The following GALNT17 variants were observed in gnomAD, a reference collection of about 807,000 sequenced individuals.
GALNT17 encodes UDP-GalNAc:polypeptide N-acetylgalactosaminyltransferase-like 3.
Under a neutral mutation model 63.7 loss-of-function variants are expected in GALNT17, and 29 were observed. The observed-to-expected ratio is 0.46, with a 90% CI of 0.34 to 0.62. The LOEUF is 0.62. GALNT17 is among the 20% of genes least tolerant of loss of function. The probability of loss-of-function intolerance (pLI) is 0.01; values close to 1 mark genes in which losing one functional copy is unlikely to be tolerated. For missense variants in GALNT17, 603 were observed against 799.6 expected (o/e 0.75, Z 2.97); for synonymous variants, 305 against 318.3 (o/e 0.96, Z 0.45).
At chr7:71,669,851 G>A (rs1178608951) in intron 7 of GALNT17, 121 bp from the exon 8 acceptor site, 44 of 1,299,090 alleles carry the variant, frequency 3.4e-5, no homozygotes, top group Middle Eastern at 2.0e-4. Flanking sequence ...ATGAGCCACC[G>A]TGCCCAGCCC....
intron 6 of GALNT17, among the ~76,000 whole-genome samples, chr7:71,592,600 AAAAT>A (rs1789826355): frequency 6.6e-6 from 1 of 151,394 alleles, no homozygotes; most frequent in Admixed American, 6.6e-5. Context: ...AAAATAAAAT[AAAAT>A]AAATAAAGCA....
intron 1 of GALNT17, among the ~76,000 whole-genome samples, chr7:71,144,092 T>G (rs2116182160): frequency 6.6e-6 from 1 of 152,268 alleles, no homozygotes; most frequent in Non-Finnish European, 1.5e-5. Context: ...CTGGTACAGC[T>G]TTGGGGATCT....
At chr7:71,276,972 T>A (rs1183459370) in intron 1 of GALNT17, among the ~76,000 whole-genome samples, 1 of 152,170 alleles carries the variant, frequency 6.6e-6, no homozygotes, top group East Asian at 1.9e-4. Context: ...CACCCCAGCC[T>A]GGGTGACAGA....
chr7:71,495,967 G>A (rs545678633), intron 5 of GALNT17, among the ~76,000 whole-genome samples: 36 of 152,296 alleles, frequency 2.4e-4, no homozygotes, highest in Non-Finnish European at 4.1e-4. Context: ...GCCAAGGTTC[G>A]TGATGTCCGC....
chr7:71,220,717 G>T (rs1186018032), intron 1 of GALNT17, among the ~76,000 whole-genome samples: 1 of 152,060 alleles, frequency 6.6e-6, no homozygotes, highest in Admixed American at 6.6e-5. Flanking sequence ...AAGAAAAGGA[G>T]ATTAGGACAC....
chr7:71,387,950 C>T (rs1792976899), intron 2 of GALNT17, among the ~76,000 whole-genome samples: 1 of 152,178 alleles, frequency 6.6e-6, no homozygotes. Flanking sequence ...CCACTAAGTG[C>T]TCCATATTAT....
intron 6 of GALNT17, among the ~76,000 whole-genome samples, chr7:71,616,286 T>TC (rs200447078): frequency 0.014 from 2,140 of 151,694 alleles, 24 homozygotes; most frequent in Non-Finnish European, 0.024. Context: ...CCAGATTCTT[T>TC]CCCCCCCGTC....
intron 3 of GALNT17, among the ~76,000 whole-genome samples, chr7:71,402,197 G>A (rs566536503): frequency 7.9e-5 from 12 of 152,344 alleles, no homozygotes; most frequent in African/African-American, 2.9e-4. Context: ...AAAGGGTACT[G>A]TTGAGTGTGC....
rs199901403 is a variant in GALNT17 at position 71,617,616 on chromosome 7, TTTTGTTTGTTTG to T, written c.1080+46246_1080+46257del. Among the ~76,000 whole-genome samples, 205 of 146,598 alleles carry T rather than the reference TTTTGTTTGTTTG, an allele frequency of 1.4e-3. 1 individual carries two copies. Among genetic ancestry groups the T allele is most frequent in the Middle Eastern group, 6.8e-3 (2 of 292 alleles). On this transcript the variant is annotated intron_variant, in intron 6 of 10. Transcript: ENST00000333538. ...TTTACAGGCATGAGCAACTGGCTGC[TTTTGTTTGTTTG>T]TTTGTTTGTTTGTTTGTTTGTTTGT...
Position 71,659,551 on chromosome 7 carries a change from GCT to G in GALNT17, c.1081-5858_1081-5857del, listed in dbSNP as rs1269631489. ...CCTCAGCTTCCTTACAGCCTGACGG[GCT>G]CAGAATTCCAAGAGGAAGAAAGTGC... On this transcript the variant is annotated intron_variant, in intron 6 of 10. Transcript: ENST00000333538. Among the ~76,000 whole-genome samples the G allele has an allele frequency of 8.5e-5, 13 of 152,276 alleles. No homozygotes were observed. The East Asian group carries it at 2.5e-3, about 29-fold the overall frequency.
chr7:71,439,421 A>T (rs553973683), intron 5 of GALNT17, among the ~76,000 whole-genome samples: 2 of 152,282 alleles, frequency 1.3e-5, no homozygotes, highest in Admixed American at 6.5e-5. Context: ...TGACACGCTG[A>T]TATTGCTGCT....
intron 6 of GALNT17, among the ~76,000 whole-genome samples, chr7:71,578,140 G>A (rs1448207952): frequency 1.3e-5 from 2 of 151,876 alleles, no homozygotes; most frequent in East Asian, 2.0e-4. Flanking sequence ...GGGTTCCAGC[G>A]ATTCTCCTGC....
chr7:71,185,593 C>T lies in GALNT17; in HGVS notation c.238+52553C>T, dbSNP rs547555697. On this transcript the variant is annotated intron_variant, in intron 1 of 10. Coordinates refer to ENST00000333538, the MANE Select transcript of GALNT17 (RefSeq NM_022479.3). ...GCTGGAGTTGGCTCACTGCAAGCTC[C>T]GCCTCCTGGGTTCACGCCATTCTCC... Among the ~76,000 whole-genome samples, 4 of 150,182 alleles carry T rather than the reference C, an allele frequency of 2.7e-5. No individual in the cohort carries two copies. In the East Asian group the frequency reaches 5.9e-4, roughly 22 times the overall value.
chr7:71,222,264 C>A (rs1247188059), intron 1 of GALNT17, among the ~76,000 whole-genome samples: 1 of 152,002 alleles, frequency 6.6e-6, no homozygotes, highest in Non-Finnish European at 1.5e-5. Flanking sequence ...TTCCCAAATC[C>A]AATCCAGGGT....
chr7:71,689,755 T>C (rs1033033944), intron 9 of GALNT17, among the ~76,000 whole-genome samples: 2 of 152,222 alleles, frequency 1.3e-5, no homozygotes, highest in African/African-American at 4.8e-5. Flanking sequence ...AACAGCCTTC[T>C]ATTAGAAGAA....
chr7:71,400,764 G>T (rs1793224791), intron 3 of GALNT17, among the ~76,000 whole-genome samples: 1 of 152,146 alleles, frequency 6.6e-6, no homozygotes, highest in Admixed American at 6.5e-5. Context: ...TTAATATTTG[G>T]AAACACTGAA....
intron 2 of GALNT17, among the ~76,000 whole-genome samples, chr7:71,383,137 T>A (rs903458877): frequency 4.5e-4 from 68 of 152,180 alleles, no homozygotes; most frequent in African/African-American, 1.6e-3. Context: ...CACCTAGTAA[T>A]CCTCAAAGTT....
intron 1 of GALNT17, among the ~76,000 whole-genome samples, chr7:71,285,189 C>G (rs1416998307): frequency 1.3e-5 from 2 of 152,168 alleles, no homozygotes; most frequent in Non-Finnish European, 2.9e-5. Context: ...CCTTTCTGAT[C>G]CTTTTTTTCC....
chr7:71,519,609 G>A (rs1484854893), intron 5 of GALNT17, among the ~76,000 whole-genome samples: 1 of 152,078 alleles, frequency 6.6e-6, no homozygotes, highest in Non-Finnish European at 1.5e-5. Context: ...GACTACAGGT[G>A]TGCACCACCA....
Sources: allele counts gnomAD v4.1 joint callset (sites outside exome capture counted in the v4.1 genomes callset), GRCh38; gene constraint gnomAD v4.1.1; transcripts MANE v1.5; gene names NCBI Gene and HGNC (gene_info 2026-07-23, HGNC 2026-07-21).